SLC37A1: variants seen among roughly 807,000 people sequenced by gnomAD.
The protein encoded by SLC37A1 is solute carrier family 37 member 1.
SLC37A1 carries 49 observed loss-of-function variants against 75.3 expected under a neutral mutation model. The ratio of observed to expected loss-of-function variants is 0.65; its 90% CI spans 0.52 to 0.83. The LOEUF is 0.83. Among genes scored for constraint, SLC37A1 ranks in the 40% least tolerant of loss-of-function variants. The pLI is 0.00. For synonymous variants in SLC37A1, 268 were observed against 292.1 expected (o/e 0.92, Z 0.84); for missense variants, 566 against 695.0 (o/e 0.81, Z 2.09).
At chr21:42,576,238 A>C (rs2056305190) in intron 18 of SLC37A1, among the ~76,000 whole-genome samples, 1 of 152,072 alleles carries the variant, frequency 6.6e-6, no homozygotes, top group Non-Finnish European at 1.5e-5. Flanking sequence ...AGAGTATACT[A>C]GATGATATCT....
At chr21:42,550,860 A>G (rs532465585) in intron 9 of SLC37A1, among the ~76,000 whole-genome samples, 3 of 152,150 alleles carry the variant, frequency 2.0e-5, no homozygotes, top group African/African-American at 7.2e-5. Flanking sequence ...AAAGCACTGG[A>G]CAAAATCCAG....
rs116156300 is a variant in SLC37A1 at position 42,573,425 on chromosome 21, A to G, written c.1424-1393A>G. 6.6e-3 allele frequency among the ~76,000 whole-genome samples: 1,001 copies of G among 152,118 alleles called. 12 individuals are homozygous for G. The highest frequency in any genetic ancestry group is 0.023 in the African/African-American group (948 of 41,498). On this transcript the variant is annotated intron_variant, in intron 17 of 19. Coordinates refer to ENST00000352133, the MANE Select transcript of SLC37A1 (RefSeq NM_001320537.2). The stretch of plus-strand genomic sequence containing the variant: ...GTCTCCCTCTGAGGATGCTCAGTGG[A>G]GCAGGGAACACTGGAGGCTGTGTTA...
rs1217116681 is a variant in SLC37A1, at chr21:42,568,795, A to T, written c.1423+357A>T. Among the ~76,000 whole-genome samples the T allele has an allele frequency of 2.1e-4, 23 of 109,454 alleles. 1 individual carries two copies. In the Admixed American group the frequency reaches 2.5e-3, roughly 12 times the overall value. The allele number at this position is 109,454 out of a possible 152,430, so 71.8% of individuals were successfully genotyped here. ...CAGAAAAACCAATTGGTCCAAAATC[A>T]TACAGGGTTCTGAGTGTTACCAGCA... On this transcript the variant is annotated intron_variant, in intron 17 of 19. Coordinates refer to ENST00000352133, the MANE Select transcript of SLC37A1 (RefSeq NM_001320537.2).
rs760577566 is a variant in SLC37A1 at position 42,562,088 on chromosome 21, A to G, written c.992A>G (p.Glu331Gly). 4 of 1,614,200 alleles carry G rather than the reference A, an allele frequency of 2.5e-6. No homozygotes were observed. Among genetic ancestry groups the G allele is most frequent in the Non-Finnish European group, 3.4e-6 (4 of 1,180,014 alleles). Residue 331 changes from glutamate to glycine, a missense_variant, in exon 12 of 20, where the codon GAG becomes GGG. Coordinates refer to ENST00000352133, the MANE Select transcript of SLC37A1 (RefSeq NM_001320537.2). ...TGALKIPGVIEFSLCLLFAKL... is the reference protein window; with the variant it reads ...TGALKIPGVIGFSLCLLFAKL... ...TGCTCTCTCTTTCAGGGCGTGATAG[A>G]GTTCTCACTGTGTCTGCTGTTTGCC...
chr21:42,512,556 G>A (rs1568978159), upstream of SLC37A1, among the ~76,000 whole-genome samples: 3 of 152,218 alleles, frequency 2.0e-5, no homozygotes, highest in African/African-American at 7.2e-5. Flanking sequence ...GGCTATCACC[G>A]GGAATGGAGA....
intron 18 of SLC37A1, chr21:42,575,269 A>C: frequency 1.0e-6 from 1 of 985,044 alleles, no homozygotes; most frequent in Non-Finnish European, 1.2e-6. Flanking sequence ...TGATAATGGC[A>C]CCCAGTGACA....
Position 42,552,830 on chromosome 21 carries a change from C to A in SLC37A1, c.769-1232C>A, listed in dbSNP as rs1294936539. Among the ~76,000 whole-genome samples, 2 of 152,226 alleles carry A rather than the reference C, an allele frequency of 1.3e-5. No individual in the cohort carries two copies. Among genetic ancestry groups the A allele is most frequent in the Admixed American group, 1.3e-4 (2 of 15,282 alleles). On this transcript the variant is annotated intron_variant, in intron 9 of 19. Coordinates refer to ENST00000352133, the MANE Select transcript of SLC37A1 (RefSeq NM_001320537.2). This position sits in a 1 kb window ranked among gnomAD's most constrained non-coding sequence, Gnocchi z 4.2. ...GCCCGGGTGATGCTGGCAGCCTCTG[C>A]TCACTGCGGGGGACGGGGGGCCGAG...
intron 10 of SLC37A1, among the ~76,000 whole-genome samples, chr21:42,554,373 A>C (rs992833857): frequency 1.3e-5 from 2 of 152,206 alleles, no homozygotes; most frequent in African/African-American, 4.8e-5. Context: ...CGCACCTTTC[A>C]ATGTCCCAGG....
At chr21:42,532,699 AC>A (rs1399571483) in intron 3 of SLC37A1, among the ~76,000 whole-genome samples, 1 of 152,080 alleles carries the variant, frequency 6.6e-6, no homozygotes, top group African/African-American at 2.4e-5. Flanking sequence ...CCTCACGTCC[AC>A]CTTGGGTGGA....
At position 42,574,815 on chromosome 21, in the gene SLC37A1, C is replaced by T; in HGVS notation, c.1424-3C>T. The T allele has an allele frequency of 1.2e-6, 2 of 1,613,964 alleles. No individual in the cohort carries two copies. Among genetic ancestry groups the T allele is most frequent in the Non-Finnish European group, 1.7e-6 (2 of 1,179,962 alleles). On this transcript the variant is annotated splice_region_variant and splice_polypyrimidine_tract_variant and intron_variant, in intron 17 of 19. Transcript: ENST00000352133. ...CCATGTGTGTCCATTTGCCTGATTT[C>T]AGGAGCAGCCCTGGGCCCCCTGCTG...
At chr21:42,559,206 C>G in intron 11 of SLC37A1, 117 bp downstream of exon 11, 2 of 1,323,688 alleles carry the variant, frequency 1.5e-6, no homozygotes, top group South Asian at 3.0e-5. Flanking sequence ...CCCGGGGATT[C>G]GAATCCATAG....
rs1234638523 is a variant in SLC37A1, at chr21:42,547,532, G to A, written c.768+392G>A. The stretch of plus-strand genomic sequence containing the variant: ...GCTGCACGTCTCAGGTGGCCGAGAG[G>A]TCTGCCCAGCACGCCATTCCTTCTC... On this transcript the variant is annotated intron_variant, in intron 9 of 19. Coordinates refer to ENST00000352133, the MANE Select transcript of SLC37A1 (RefSeq NM_001320537.2). The surrounding 1 kb of genome is among the most constrained non-coding windows in gnomAD (Gnocchi z 6.1). 1.2e-4 allele frequency: 25 copies of A among 214,216 alleles called. No individual in the cohort carries two copies. 13.3% of individuals were successfully genotyped at this position (214,216 alleles called of 1,614,324 possible).
intron 9 of SLC37A1, among the ~76,000 whole-genome samples, chr21:42,549,593 T>C (rs75288726): frequency 0.011 from 1,730 of 152,320 alleles, 40 homozygotes; most frequent in East Asian, 0.1. Flanking sequence ...CAAAGTTCTT[T>C]TTCCTGCAGG....
intron 14 of SLC37A1, 75 bp from the exon 15 acceptor site, chr21:42,565,752 G>T: frequency 7.1e-7 from 1 of 1,414,168 alleles, no homozygotes; most frequent in South Asian, 1.2e-5. Context: ...CCGGGTTTTT[G>T]AGAAGTAGAT....
Position 42,562,116 on chromosome 21 carries a change from G to A in SLC37A1, c.1020G>A (p.Lys340=), listed in dbSNP as rs182719977. 12 of 1,614,208 alleles carry A rather than the reference G, an allele frequency of 7.4e-6. No homozygotes were observed. The East Asian group carries it at 2.5e-4, about 33-fold the overall frequency. The change falls in exon 12 of 20, where the codon AAG becomes AAA. Residue 340 remains lysine, a synonymous_variant. Transcript: ENST00000352133. ...TCTCACTGTGTCTGCTGTTTGCCAA[G>A]CTGGTCAGCTATACTTTCCTCTTCT... ...IEFSLCLLFA[K]LVSYTFLFWL... is the part of the protein sequence containing the mutation.
intron 3 of SLC37A1, among the ~76,000 whole-genome samples, chr21:42,530,681 G>T (rs1369509775): frequency 2.7e-5 from 4 of 147,992 alleles, no homozygotes; most frequent in Non-Finnish European, 6.0e-5. Context: ...TGAAGGTGGA[G>T]TGAAACTGGC....
chr21:42,525,851 A>G lies in SLC37A1; in HGVS notation c.132A>G (p.Ile44Met), dbSNP rs1245569292. The part of the protein sequence containing the change: ...SFHLSRKPIS[I>M]VKGELHKYCT... ...ACTTATCTCGAAAGCCTATCAGCAT[A>G]GTTAAGGTAAGAATCATGGAAAGCA... The change falls in exon 3 of 20, where the codon ATA becomes ATG. Residue 44 changes from isoleucine (I) to methionine (M), a missense_variant. Physicochemically the swap from Ile to Met is conservative, Grantham distance 10 (BLOSUM62 1). Transcript: ENST00000352133. 1 of 1,612,850 alleles carries G rather than the reference A, an allele frequency of 6.2e-7. No homozygotes were observed. The highest frequency in any genetic ancestry group is 8.5e-7 in the Non-Finnish European group (1 of 1,178,932).
chr21:42,537,891 GGT>G (rs1035303482), intron 5 of SLC37A1, among the ~76,000 whole-genome samples: 2 of 152,150 alleles, frequency 1.3e-5, no homozygotes, highest in Admixed American at 1.3e-4. Flanking sequence ...CTCAGTGATG[GGT>G]GCTGTTTTGT....
Position 42,559,019 on chromosome 21 carries a change from T to C in SLC37A1, c.911T>C (p.Val304Ala). 6.2e-7 allele frequency: 1 copy of C among 1,613,848 alleles called. No homozygotes were observed. Among genetic ancestry groups the C allele is most frequent in the Non-Finnish European group, 8.5e-7 (1 of 1,179,878 alleles). ...AAGGGCTCCATCCACCCGAACCACG[T>C]CGTCATTCTCCCCGGGGACGGTGGG... ...DGKGSIHPNH[V>A]VILPGDGGSG... The change falls in exon 11 of 20, where the codon GTC (valine) becomes GCC (alanine). Residue 304 changes from valine (V) to alanine (A), a missense_variant. Coordinates refer to ENST00000352133, the MANE Select transcript of SLC37A1 (RefSeq NM_001320537.2).
Sources: allele counts gnomAD v4.1 joint callset (sites outside exome capture counted in the v4.1 genomes callset), GRCh38; gene constraint gnomAD v4.1.1; non-coding constraint Gnocchi (gnomAD v3.1); transcripts MANE v1.5; gene names NCBI Gene and HGNC (gene_info 2026-07-23, HGNC 2026-07-21).